PCNX2: variants seen among roughly 807,000 people sequenced by gnomAD.
PCNX2 encodes the protein pecanex-like protein 2.
A neutral mutation model predicts 223.8 loss-of-function variants in PCNX2; 168 were observed. The observed-to-expected ratio is 0.75, with a 90% CI of 0.66 to 0.85. The LOEUF (loss-of-function observed/expected upper bound fraction) is 0.85, where lower values mean the gene tolerates loss of function less well. Among genes scored for constraint, PCNX2 ranks in the 40% least tolerant of loss-of-function variants. The probability of loss-of-function intolerance (pLI) is 0.00; values close to 1 mark genes in which losing one functional copy is unlikely to be tolerated. For missense variants in PCNX2, 2,507 were observed against 2,675.5 expected, an observed-to-expected ratio of 0.94 and a Z score of 1.39; for synonymous variants, 1,006 against 1,052.6, an observed-to-expected ratio of 0.96 and a Z score of 0.86.
chr1:232,994,543 A>C (rs891150050), intron 32 of PCNX2, among the ~76,000 whole-genome samples: 1 of 152,164 alleles, frequency 6.6e-6, no homozygotes, highest in Non-Finnish European at 1.5e-5. Context: ...TTTTGAGTTA[A>C]TGTTGGAATG....
intron 1 of PCNX2, among the ~76,000 whole-genome samples, chr1:233,290,024 G>C (rs1377081302): frequency 1.3e-5 from 2 of 152,082 alleles, no homozygotes; most frequent in Non-Finnish European, 2.9e-5. Flanking sequence ...TGAAGCCTGG[G>C]GGGCGGGGGG....
intron 28 of PCNX2, among the ~76,000 whole-genome samples, chr1:233,014,011 G>A (rs1434413630): frequency 6.6e-6 from 1 of 152,230 alleles, no homozygotes; most frequent in Non-Finnish European, 1.5e-5. Flanking sequence ...TGGGTGATTT[G>A]AAGCTGACTG....
chr1:233,177,975 T>A, intron 16 of PCNX2, 77 bp from the exon 17 acceptor site: 1 of 1,119,024 alleles, frequency 8.9e-7, no homozygotes, highest in Non-Finnish European at 1.3e-6. Context: ...TCACCTTAGA[T>A]CTCACACCCA....
intron 15 of PCNX2, among the ~76,000 whole-genome samples, chr1:233,198,385 T>G (rs1345788662): frequency 6.6e-6 from 1 of 152,170 alleles, no homozygotes; most frequent in African/African-American, 2.4e-5. Context: ...ATAGATACGT[T>G]TCTTGCCTGA....
In PCNX2 at chr1:233,102,116, A is replaced by G. The variant is rs890748218; in HGVS notation, c.3838-6253T>C. Among the ~76,000 whole-genome samples the G allele has an allele frequency of 3.5e-5, 5 of 144,922 alleles. No homozygotes were observed. The Admixed American group carries it at 3.5e-4, about 10-fold the overall frequency. On this transcript the variant is annotated intron_variant, in intron 21 of 33. Coordinates refer to ENST00000258229, the MANE Select transcript of PCNX2 (RefSeq NM_014801.4). ...TTTTTTTTTTTTTTTGGCTCCCATG[A>G]GTGACAACATACAACATTTGTCTTT...
chr1:233,262,285 AT>A, intron 2 of PCNX2, 120 bp from the exon 3 acceptor site: 1 of 1,270,748 alleles, frequency 7.9e-7, no homozygotes, highest in Non-Finnish European at 1.1e-6. Flanking sequence ...TTCCTTACAT[AT>A]AAATCTTTTT....
At chr1:233,213,816 C>CTTTTTTTTT (rs71173256) in intron 12 of PCNX2, among the ~76,000 whole-genome samples, 2 of 65,228 alleles carry the variant, frequency 3.1e-5, no homozygotes, top group East Asian at 4.2e-4. Context: ...CCAGTGCACT[C>CTTTTTTTTT]TTTTTTTTTT....
At chr1:233,229,698 A>C (rs891102535) in intron 9 of PCNX2, among the ~76,000 whole-genome samples, 14 of 152,188 alleles carry the variant, frequency 9.2e-5, no homozygotes. Context: ...AAAAGTCAGT[A>C]TCTAAAAAAT....
At chr1:233,050,629 T>C (rs961476719) in intron 25 of PCNX2, among the ~76,000 whole-genome samples, 1 of 152,202 alleles carries the variant, frequency 6.6e-6, no homozygotes, top group African/African-American at 2.4e-5. Context: ...TGGCTAGCCA[T>C]GTGCAGAAGA....
chr1:233,045,672 C>T (rs1671801349), intron 25 of PCNX2, among the ~76,000 whole-genome samples: 1 of 152,212 alleles, frequency 6.6e-6, no homozygotes, highest in African/African-American at 2.4e-5. Context: ...CTTTGTTAAT[C>T]TGTTAAACCC....
At chr1:233,155,682 G>T (rs951454084) in intron 19 of PCNX2, among the ~76,000 whole-genome samples, 1 of 152,154 alleles carries the variant, frequency 6.6e-6, no homozygotes, top group Non-Finnish European at 1.5e-5. Context: ...AGGACCATGT[G>T]AAATGTGACT....
At chr1:233,044,826 G>A (rs1466799115) in intron 25 of PCNX2, among the ~76,000 whole-genome samples, 3 of 151,806 alleles carry the variant, frequency 2.0e-5, no homozygotes, top group Non-Finnish European at 4.4e-5. Context: ...ATGCCACCAC[G>A]CCCAGCTGCT....
chr1:233,135,120 G>C lies in PCNX2; in HGVS notation c.3730C>G (p.Gln1244Glu). 3 of 1,613,668 alleles carry C rather than the reference G, an allele frequency of 1.9e-6. No individual in the cohort carries two copies. Among genetic ancestry groups the C allele is most frequent in the Non-Finnish European group, 2.5e-6 (3 of 1,179,606 alleles). ...LRTSFCNPVY[Q>E]FINLSFTVIF... The stretch of plus-strand genomic sequence containing the variant: ...ACAGTGAAGCTCAAGTTAATAAACT[G>C]GTAAACCGGGTTGCAGAATGATGTC... The change falls in exon 21 of 34, where the codon CAG becomes GAG. Residue 1244 changes from glutamine (Q) to glutamate (E), a missense_variant. By Grantham distance (29) the Gln-to-Glu change is conservative (BLOSUM62 2). Transcript: ENST00000258229.
intron 25 of PCNX2, among the ~76,000 whole-genome samples, chr1:233,029,047 C>T (rs1050893868): frequency 6.6e-6 from 1 of 152,064 alleles, no homozygotes; most frequent in Non-Finnish European, 1.5e-5. Context: ...ACCATATTGG[C>T]CAGGCTGGTC....
At chr1:233,211,916 G>C (rs1162701952) in intron 12 of PCNX2, 1 of 637,990 alleles carries the variant, frequency 1.6e-6, no homozygotes, top group Non-Finnish European at 2.0e-6. Context: ...CCTAACTTGC[G>C]GAAGGTGTCG....
chr1:233,177,202 T>C (rs1303952657), intron 17 of PCNX2, among the ~76,000 whole-genome samples: 2 of 152,248 alleles, frequency 1.3e-5, no homozygotes, highest in East Asian at 1.9e-4. Context: ...TTTATGTTCT[T>C]AGCTCCCACA....
upstream of PCNX2, among the ~76,000 whole-genome samples, chr1:233,297,604 A>G (rs181828751): frequency 6.6e-6 from 1 of 152,282 alleles, no homozygotes; most frequent in Non-Finnish European, 1.5e-5. Flanking sequence ...GTATATGTGG[A>G]AAGAGGAGCA....
At chr1:233,035,551 A>G (rs6676202) in intron 25 of PCNX2, among the ~76,000 whole-genome samples, 27,068 of 152,186 alleles carry the variant, frequency 0.18, 4,433 homozygotes, top group African/African-American at 0.44. Context: ...GAGAAGGGAC[A>G]AAGCTCAAAC....
chr1:233,112,507 C>G (rs1675169417), intron 21 of PCNX2, among the ~76,000 whole-genome samples: 1 of 152,224 alleles, frequency 6.6e-6, no homozygotes, highest in African/African-American at 2.4e-5. Context: ...CACCTTACTT[C>G]CCTGCTCCTT....
Sources: gnomAD v4.1 joint callset for allele counts (sites outside exome capture counted in the v4.1 genomes callset) on GRCh38, gnomAD v4.1.1 for gene constraint, MANE v1.5 for transcripts, NCBI Gene and HGNC (gene_info 2026-07-23, HGNC 2026-07-21) for gene names.